AAK1: variants seen among roughly 807,000 people sequenced by gnomAD.
AAK1 encodes AP2 associated kinase 1.
AAK1 carries 37 observed loss-of-function variants against 116.0 expected under a neutral mutation model. The observed-to-expected ratio is 0.32, with a 90% CI of 0.25 to 0.42. AAK1 has a LOEUF of 0.42. AAK1 is among the 10% of genes least tolerant of loss of function. The pLI is 1.00. For missense variants in AAK1, 919 were observed against 1,170.6 expected (o/e 0.79, Z 3.14); for synonymous variants, 458 against 439.9 (o/e 1.04, Z -0.51).
At chr2:69,553,983 A>G (rs1264824943) in intron 3 of AAK1, among the ~76,000 whole-genome samples, 4 of 151,680 alleles carry the variant, frequency 2.6e-5, no homozygotes, top group Non-Finnish European at 4.4e-5. Context: ...AAGCTGAGGT[A>G]GGAGAATTGC....
In AAK1 at chr2:69,467,100, T is replaced by A; in HGVS notation, c.*8769A>T. The A allele has an allele frequency of 1.0e-6, 1 of 985,416 alleles. No homozygotes were observed. The allele number at this position is 985,416 out of a possible 1,614,324, so 61.0% of individuals were successfully genotyped here. Reference sequence around the variant, plus strand: ...CATCACAAGCACTACTCAAAGAGCATACGAGTGCCCAAAATATAAATACTG... The same window carrying A: ...CATCACAAGCACTACTCAAAGAGCAAACGAGTGCCCAAAATATAAATACTG... On this transcript the variant is annotated 3_prime_UTR_variant, in exon 22 of 22. Coordinates refer to ENST00000409085, the MANE Select transcript of AAK1 (RefSeq NM_014911.5).
chr2:69,483,980 A>C (rs1371067773), intron 17 of AAK1, among the ~76,000 whole-genome samples: 1 of 152,220 alleles, frequency 6.6e-6, no homozygotes, highest in Non-Finnish European at 1.5e-5. Flanking sequence ...AAAATAATGA[A>C]TCATAGAATC....
At chr2:69,531,018 T>C (rs1037275018) in intron 6 of AAK1, among the ~76,000 whole-genome samples, 1 of 152,196 alleles carries the variant, frequency 6.6e-6, no homozygotes, top group Non-Finnish European at 1.5e-5. Context: ...AAAATTCTTA[T>C]ACTGATACTA....
chr2:69,491,958 C>G (rs1462422180), intron 17 of AAK1, among the ~76,000 whole-genome samples: 2 of 152,066 alleles, frequency 1.3e-5, no homozygotes, highest in African/African-American at 4.8e-5. Context: ...TGAGAACTGT[C>G]CCAAAGATAA....
chr2:69,480,997 A>C lies in AAK1; in HGVS notation c.2468-36T>G, dbSNP rs559724981. 6.8e-6 allele frequency: 10 copies of C among 1,478,908 alleles called. No individual in the cohort carries two copies. In the South Asian group the frequency reaches 1.3e-4, roughly 19 times the overall value. The allele number at this position is 1,478,908 out of a possible 1,614,324, so 91.6% of individuals were successfully genotyped here. A position where few individuals can be genotyped will look rare whatever the true frequency, so the allele number is the denominator to read the frequency against. ...AGAGCATTAAGAAGAGGAAAGGGTA[A>C]GGGAAAGGGAGTCAGAAGTTTCTTT... is the stretch of plus-strand genomic sequence containing the variant. On this transcript the variant is annotated intron_variant, in intron 18 of 21. Coordinates refer to ENST00000409085, the MANE Select transcript of AAK1 (RefSeq NM_014911.5).
intron 3 of AAK1, among the ~76,000 whole-genome samples, chr2:69,545,003 G>GT (rs1159521259): frequency 1.3e-5 from 2 of 150,784 alleles, no homozygotes; most frequent in Admixed American, 6.6e-5. Flanking sequence ...AGTTCGTACT[G>GT]TTTTTTTCCT....
chr2:69,491,742 A>G (rs2104921174), intron 17 of AAK1, among the ~76,000 whole-genome samples: 1 of 152,338 alleles, frequency 6.6e-6, no homozygotes, highest in Non-Finnish European at 1.5e-5. Context: ...AGAAATTTCA[A>G]ATACATGATT....
Position 69,624,032 on chromosome 2 carries a change from A to C in AAK1, c.163+18846T>G, listed in dbSNP as rs565606947. Among the ~76,000 whole-genome samples, 20 of 152,274 alleles carry C rather than the reference A, an allele frequency of 1.3e-4. No homozygotes were observed. The South Asian group carries it at 3.7e-3, about 28-fold the overall frequency. On this transcript the variant is annotated intron_variant, in intron 2 of 21. Coordinates refer to ENST00000409085, the MANE Select transcript of AAK1 (RefSeq NM_014911.5). ...AATATAAAAAACAGAGAGGGAGGGA[A>C]GGAAGAAGGCAGGGAGAAAAAGAAA...
intron 2 of AAK1, among the ~76,000 whole-genome samples, chr2:69,608,190 C>A (rs1444604646): frequency 1.3e-5 from 2 of 152,202 alleles, no homozygotes; most frequent in African/African-American, 4.8e-5. Context: ...AAGGCTAGGG[C>A]AGCAGGCACA....
chr2:69,630,329 G>T, intron 2 of AAK1, among the ~76,000 whole-genome samples: 1 of 121,052 alleles, frequency 8.3e-6, no homozygotes, highest in East Asian at 3.7e-4. Flanking sequence ...TACTCTGAGT[G>T]GGGCGGGGGG....
At chr2:69,529,502 A>C (rs1013693972) in intron 8 of AAK1, among the ~76,000 whole-genome samples, 69 of 152,134 alleles carry the variant, frequency 4.5e-4, no homozygotes, top group African/African-American at 1.6e-3. Flanking sequence ...TCTTAAGACT[A>C]TTTTTAAGAA....
chr2:69,625,602 G>C (rs1674862117), intron 2 of AAK1, among the ~76,000 whole-genome samples: 2 of 152,150 alleles, frequency 1.3e-5, no homozygotes, highest in African/African-American at 4.8e-5. Context: ...TATGTGGTGA[G>C]GTCACTAAAC....
At chr2:69,561,617 A>G (rs1270731405) in intron 2 of AAK1, among the ~76,000 whole-genome samples, 1 of 152,192 alleles carries the variant, frequency 6.6e-6, no homozygotes, top group East Asian at 1.9e-4. Context: ...TTCATATATT[A>G]TACAATCCAC....
Position 69,520,851 on chromosome 2 carries a change from G to T in AAK1, c.1193C>A (p.Pro398His). Residue 398 changes from proline to histidine, a missense_variant, in exon 11 of 22, where the codon CCC (proline) becomes CAC (histidine). This residue lies in a region of AAK1 where 214 missense variants were observed against 210.6 expected (regional missense o/e 1.02). Coordinates refer to ENST00000409085, the MANE Select transcript of AAK1 (RefSeq NM_014911.5). ...ATACAAACCTGCAGCCTGAGGTGGG[G>T]GCTGAACAGTGGCCCTCTTCCGGGG... ...LTPRKRATVQPPPQAAGSSNQ... is the reference protein window; with the variant it reads ...LTPRKRATVQHPPQAAGSSNQ... 1 of 1,573,760 alleles carries T rather than the reference G, an allele frequency of 6.4e-7. No homozygotes were observed. Among genetic ancestry groups the T allele is most frequent in the Non-Finnish European group, 8.6e-7 (1 of 1,163,766 alleles).
intron 10 of AAK1, among the ~76,000 whole-genome samples, chr2:69,522,292 G>A (rs1435262037): frequency 1.3e-5 from 2 of 152,228 alleles, no homozygotes; most frequent in African/African-American, 4.8e-5. Context: ...ATGTAAAACA[G>A]GAAGCAAAGC....
chr2:69,569,590 A>T (rs1260035517), intron 2 of AAK1, among the ~76,000 whole-genome samples: 1 of 152,094 alleles, frequency 6.6e-6, no homozygotes, highest in Non-Finnish European at 1.5e-5. Context: ...ACCCCCATCA[A>T]AATATAAAAT....
rs1674346252 is a variant in AAK1 at position 69,461,703 on chromosome 2, T to C, written c.*14166A>G. On this transcript the variant is annotated 3_prime_UTR_variant, in exon 22 of 22. Transcript: ENST00000409085. ...TCTGCCTCCCTGGGTCAAGCAATTC[T>C]GCCTCAGCCTCCCTAGTAACTGGGA... is the stretch of plus-strand genomic sequence containing the variant. The C allele has an allele frequency of 2.4e-6, 1 of 415,726 alleles. No homozygotes were observed. The highest frequency in any genetic ancestry group is 4.8e-6 in the Non-Finnish European group (1 of 207,376). The allele number at this position is 415,726 out of a possible 1,614,324, so 25.8% of individuals were successfully genotyped here. A position where few individuals can be genotyped will look rare whatever the true frequency, so the allele number is the denominator to read the frequency against.
At chr2:69,633,444 C>T (rs1254679565) in intron 2 of AAK1, among the ~76,000 whole-genome samples, 1 of 151,064 alleles carries the variant, frequency 6.6e-6, no homozygotes, top group East Asian at 2.0e-4. Flanking sequence ...CTACTAAAAA[C>T]ACAAAAATTA....
intron 2 of AAK1, among the ~76,000 whole-genome samples, chr2:69,561,427 A>C (rs1431340822): frequency 6.6e-6 from 1 of 152,210 alleles, no homozygotes; most frequent in Non-Finnish European, 1.5e-5. Flanking sequence ...AAAATAAATT[A>C]TTTCATTTGT....
Sources: gnomAD v4.1 joint callset for allele counts (sites outside exome capture counted in the v4.1 genomes callset) on GRCh38, gnomAD v4.1.1 for gene constraint, gnomAD v4.1.1 regional missense constraint, MANE v1.5 for transcripts, NCBI Gene and HGNC (gene_info 2026-07-23, HGNC 2026-07-21) for gene names.